Variants in MAF observed in about 807,000 individuals in gnomAD.
MAF encodes the protein transcription factor Maf.
A neutral mutation model predicts 22.0 loss-of-function variants in MAF; 10 were observed. The ratio of observed to expected loss-of-function variants is 0.45; its 90% CI spans 0.28 to 0.77. The LOEUF is 0.77. Ranked by LOEUF, MAF falls within the 30% of genes least tolerant of loss-of-function variation. The pLI is 0.12. For missense variants in MAF, 544 were observed against 548.4 expected (o/e 0.99, Z 0.08); for synonymous variants, 337 against 255.8 (o/e 1.32, Z -3.03).
At chr16:79,544,150 G>A in the MAF span, among the ~76,000 whole-genome samples, 1 of 152,310 alleles carries the variant, frequency 6.6e-6, no homozygotes, top group Admixed American at 6.5e-5. Context: ...AGTTTGCACA[G>A]AGAATCAAAG....
chr16:79,485,060 T>G, the MAF span, among the ~76,000 whole-genome samples: 3 of 152,128 alleles, frequency 2.0e-5, no homozygotes, highest in Non-Finnish European at 4.4e-5. Flanking sequence ...TGATTAGACT[T>G]TTATGAAAAT....
At chr16:79,220,195 G>T in the MAF span, among the ~76,000 whole-genome samples, 67 of 145,746 alleles carry the variant, frequency 4.6e-4, no homozygotes, top group African/African-American at 1.6e-3. Flanking sequence ...GGTGGAAGCT[G>T]CTGTGAGCTC....
At chr16:79,507,359 G>T in the MAF span, among the ~76,000 whole-genome samples, 2 of 151,156 alleles carry the variant, frequency 1.3e-5, no homozygotes, top group South Asian at 2.1e-4. Flanking sequence ...ATTGTGATCC[G>T]CCTGCCTTGG....
the MAF span, among the ~76,000 whole-genome samples, chr16:79,559,956 T>C: frequency 1.3e-5 from 2 of 152,134 alleles, no homozygotes; most frequent in Non-Finnish European, 2.9e-5. Flanking sequence ...TAGGCTGGAG[T>C]GCAGTGACAC....
At chr16:79,253,861 CTA>C in the MAF span, among the ~76,000 whole-genome samples, 1 of 151,896 alleles carries the variant, frequency 6.6e-6, no homozygotes, top group Non-Finnish European at 1.5e-5. Flanking sequence ...CTAAAGAATC[CTA>C]GGGGTTCTTT....
the MAF span, among the ~76,000 whole-genome samples, chr16:79,214,291 G>A: frequency 1.3e-5 from 2 of 152,092 alleles, no homozygotes; most frequent in Non-Finnish European, 2.9e-5. Flanking sequence ...ACCTTGAACT[G>A]CTCCTGTCAC....
intron 1 of MAF, chr16:79,595,202 A>G: frequency 1.9e-6 from 2 of 1,042,446 alleles, no homozygotes; most frequent in Non-Finnish European, 2.3e-6. Context: ...GTTTACTATT[A>G]AGACTTTTGT....
chr16:79,307,030 C>T, the MAF span, among the ~76,000 whole-genome samples: 2 of 152,226 alleles, frequency 1.3e-5, no homozygotes, highest in Non-Finnish European at 2.9e-5. Flanking sequence ...GCACATCACT[C>T]AAATCCCGTT....
At chr16:79,214,109 G>A in the MAF span, among the ~76,000 whole-genome samples, 1 of 152,030 alleles carries the variant, frequency 6.6e-6, no homozygotes, top group South Asian at 2.1e-4. Flanking sequence ...TTTAGTCTCT[G>A]CTCACGTTAT....
the MAF span, among the ~76,000 whole-genome samples, chr16:79,352,918 G>T: frequency 2.6e-5 from 4 of 152,074 alleles, no homozygotes; most frequent in Non-Finnish European, 5.9e-5. Flanking sequence ...GAATCAAGTG[G>T]GATATGGTGC....
the MAF span, among the ~76,000 whole-genome samples, chr16:79,354,071 C>G: frequency 1.3e-5 from 2 of 152,160 alleles, no homozygotes; most frequent in African/African-American, 4.8e-5. Flanking sequence ...TCACGGCTCA[C>G]TGCAGCCTCA....
At chr16:79,491,756 A>C in the MAF span, among the ~76,000 whole-genome samples, 1 of 152,232 alleles carries the variant, frequency 6.6e-6, no homozygotes, top group Non-Finnish European at 1.5e-5. Context: ...CCAAGCCCTG[A>C]AAAGTCTCTT....
the MAF span, among the ~76,000 whole-genome samples, chr16:79,244,849 G>C: frequency 1.3e-5 from 2 of 152,112 alleles, no homozygotes; most frequent in East Asian, 3.9e-4. Flanking sequence ...AAACAGCCTG[G>C]TACTGGTACC....
the MAF span, among the ~76,000 whole-genome samples, chr16:79,543,358 C>G: frequency 6.6e-6 from 1 of 152,176 alleles, no homozygotes; most frequent in Non-Finnish European, 1.5e-5. Context: ...GTGCCTCCTT[C>G]CCACTTATCT....
At chr16:79,300,554 AAAACAAACAAAC>A in the MAF span, among the ~76,000 whole-genome samples, 7 of 151,246 alleles carry the variant, frequency 4.6e-5, no homozygotes, top group Non-Finnish European at 7.4e-5. Flanking sequence ...ACTCCATCTC[AAAACAAACAAAC>A]AAACAAACAA....
At chr16:79,457,695 T>C in the MAF span, among the ~76,000 whole-genome samples, 272 of 152,206 alleles carry the variant, frequency 1.8e-3, 10 homozygotes, top group South Asian at 0.051. Context: ...CAGAATCAGT[T>C]AGTTTACACC....
At chr16:79,403,243 ACT>A in the MAF span, among the ~76,000 whole-genome samples, 5 of 152,100 alleles carry the variant, frequency 3.3e-5, no homozygotes, top group East Asian at 5.8e-4. Context: ...AAAAGCAAAG[ACT>A]CTGTTCCATT....
At chr16:79,309,043 T>G in the MAF span, among the ~76,000 whole-genome samples, 1 of 151,736 alleles carries the variant, frequency 6.6e-6, no homozygotes, top group Admixed American at 6.6e-5. Flanking sequence ...TATGAAGGAG[T>G]TGAGGCTCTA....
the MAF span, among the ~76,000 whole-genome samples, chr16:79,542,984 C>T: frequency 4.3e-4 from 66 of 152,284 alleles, no homozygotes; most frequent in South Asian, 0.013. Flanking sequence ...TGCATGCACA[C>T]GTGTGTGTAT....
Sources: gnomAD v4.1 joint callset for allele counts (sites outside exome capture counted in the v4.1 genomes callset) on GRCh38, gnomAD v4.1.1 for gene constraint, MANE v1.5 for transcripts, NCBI Gene and HGNC (gene_info 2026-07-23, HGNC 2026-07-21) for gene names.